The following PRKG1 variants were observed in gnomAD, a reference collection of about 807,000 sequenced individuals.
The protein encoded by PRKG1 is cGMP-dependent protein kinase 1.
In PRKG1, 35 loss-of-function variants were observed where a neutral mutation model predicts 88.1. The ratio of observed to expected loss-of-function variants is 0.40; its 90% CI spans 0.30 to 0.53. The LOEUF (loss-of-function observed/expected upper bound fraction) is 0.53, where lower values mean the gene tolerates loss of function less well. Among genes scored for constraint, PRKG1 ranks in the 20% least tolerant of loss-of-function variants. PRKG1 has a pLI of 0.59. For synonymous variants in PRKG1, 303 were observed against 292.5 expected (o/e 1.04, Z -0.37); for missense variants, 540 against 839.8 (o/e 0.64, Z 4.41).
At chr10:52,054,337 TATTC>T in intron 5 of PRKG1, 143 bp from the exon 6 acceptor site, 1 of 614,616 alleles carries the variant, frequency 1.6e-6, no homozygotes, top group Non-Finnish European at 2.9e-6. Context: ...CATTGACTAA[TATTC>T]ATTATTAAAT....
intron 3 of PRKG1, among the ~76,000 whole-genome samples, chr10:51,623,948 T>C (rs2132266686): frequency 6.6e-6 from 1 of 152,238 alleles, no homozygotes; most frequent in South Asian, 2.1e-4. Flanking sequence ...CTCTAAAAAA[T>C]AGACCCCAGA....
At chr10:51,483,420 C>T (rs1194431762) in intron 3 of PRKG1, among the ~76,000 whole-genome samples, 1 of 152,172 alleles carries the variant, frequency 6.6e-6, no homozygotes, top group Non-Finnish European at 1.5e-5. Flanking sequence ...GACTATTATA[C>T]TCACACCTAC....
intron 5 of PRKG1, among the ~76,000 whole-genome samples, chr10:51,952,238 G>A (rs565066227): frequency 1.3e-5 from 2 of 152,284 alleles, no homozygotes; most frequent in Non-Finnish European, 2.9e-5. Context: ...TTGGATCTTG[G>A]GCTGCTTGCC....
intron 5 of PRKG1, among the ~76,000 whole-genome samples, chr10:51,912,294 T>G (rs1842235640): frequency 6.6e-6 from 1 of 152,196 alleles, no homozygotes; most frequent in East Asian, 1.9e-4. Flanking sequence ...GTTCTGCCAG[T>G]CATGATAAGG....
At chr10:51,097,626 G>A (rs570333050) in intron 1 of PRKG1, among the ~76,000 whole-genome samples, 6 of 152,066 alleles carry the variant, frequency 3.9e-5, no homozygotes, top group South Asian at 4.2e-4. Flanking sequence ...TCTCCTTTCC[G>A]TAGGGTTTTT....
chr10:52,222,545 T>C (rs1840273605), intron 9 of PRKG1, among the ~76,000 whole-genome samples: 3 of 152,128 alleles, frequency 2.0e-5, no homozygotes, highest in Admixed American at 2.0e-4. Flanking sequence ...GATGAATGTA[T>C]AAAGAGATGG....
chr10:52,211,159 T>C (rs1839961488), intron 9 of PRKG1, among the ~76,000 whole-genome samples: 1 of 152,134 alleles, frequency 6.6e-6, no homozygotes, highest in African/African-American at 2.4e-5. Flanking sequence ...CTTTTAAAGT[T>C]TGTAGTTTTT....
chr10:51,260,442 A>T (rs1411860514), intron 2 of PRKG1, among the ~76,000 whole-genome samples: 1 of 152,172 alleles, frequency 6.6e-6, no homozygotes, highest in East Asian at 1.9e-4. Context: ...TTTAAAAAAA[A>T]ATTTTTTATT....
At chr10:51,947,276 G>C (rs1313265944) in intron 5 of PRKG1, among the ~76,000 whole-genome samples, 1 of 152,160 alleles carries the variant, frequency 6.6e-6, no homozygotes, top group Non-Finnish European at 1.5e-5. Flanking sequence ...CCAGGTGTGG[G>C]ATATAATCTC....
intron 9 of PRKG1, among the ~76,000 whole-genome samples, chr10:52,247,771 CTT>C (rs1019006198): frequency 6.6e-6 from 1 of 152,100 alleles, no homozygotes; most frequent in African/African-American, 2.4e-5. Context: ...AAATGTGACT[CTT>C]GTCTCTAAAA....
At chr10:51,417,432 C>A (rs77625011) in intron 2 of PRKG1, among the ~76,000 whole-genome samples, 4,549 of 152,186 alleles carry the variant, frequency 0.03, 88 homozygotes, top group Admixed American at 0.062. Context: ...TAATAATATG[C>A]GCAAGGGACA....
At chr10:51,173,521 A>C (rs1837108437) in intron 2 of PRKG1, among the ~76,000 whole-genome samples, 1 of 151,802 alleles carries the variant, frequency 6.6e-6, no homozygotes, top group Non-Finnish European at 1.5e-5. Flanking sequence ...ATCAATGTGG[A>C]AGTATATGTC....
rs11000738 is a variant in PRKG1, at chr10:52,087,078, A to G, written c.935+24447A>G. Among the ~76,000 whole-genome samples, 6 of 152,264 alleles carry G rather than the reference A, an allele frequency of 3.9e-5. No individual in the cohort carries two copies. The East Asian group carries it at 1.2e-3, about 29-fold the overall frequency. ...GTGGGGATTATAGGAACTACAATTC[A>G]AGATGATATTTGGGTGGGGACACAG... On this transcript the variant is annotated intron_variant, in intron 7 of 17. Coordinates refer to ENST00000373980, the MANE Select transcript of PRKG1 (RefSeq NM_006258.4).
At chr10:51,131,626 TG>T (rs1053118173) in intron 1 of PRKG1, among the ~76,000 whole-genome samples, 1 of 152,116 alleles carries the variant, frequency 6.6e-6, no homozygotes, top group African/African-American at 2.4e-5. Flanking sequence ...ATACATACAG[TG>T]GAAGATGAAT....
intron 5 of PRKG1, chr10:51,911,325 A>C (rs1285456599): frequency 2.7e-5 from 4 of 145,738 alleles, no homozygotes; most frequent in Non-Finnish European, 6.1e-5. Flanking sequence ...CCTCCTAAAA[A>C]AAAAAAAAAA....
intron 2 of PRKG1, among the ~76,000 whole-genome samples, chr10:51,409,377 T>C (rs1349388430): frequency 1.3e-5 from 2 of 152,118 alleles, no homozygotes; most frequent in Non-Finnish European, 2.9e-5. Flanking sequence ...CAGGACCTGC[T>C]CGAGCCTGAT....
At chr10:51,458,736 T>C (rs1839660241) in intron 2 of PRKG1, among the ~76,000 whole-genome samples, 1 of 152,170 alleles carries the variant, frequency 6.6e-6, no homozygotes, top group South Asian at 2.1e-4. Flanking sequence ...AAAGGACATG[T>C]AATCTCTGAT....
intron 2 of PRKG1, among the ~76,000 whole-genome samples, chr10:51,379,237 TAATAAC>T (rs1842873566): frequency 6.6e-6 from 1 of 152,182 alleles, no homozygotes; most frequent in African/African-American, 2.4e-5. Flanking sequence ...CACAAGGTAA[TAATAAC>T]AATAATGAAG....
At chr10:51,415,740 A>G (rs1838217594) in intron 2 of PRKG1, among the ~76,000 whole-genome samples, 1 of 152,174 alleles carries the variant, frequency 6.6e-6, no homozygotes, top group Non-Finnish European at 1.5e-5. Flanking sequence ...CAAGCTACAA[A>G]ACCAAAATTA....
Sources: gnomAD v4.1 joint callset for allele counts (sites outside exome capture counted in the v4.1 genomes callset) on GRCh38, gnomAD v4.1.1 for gene constraint, MANE v1.5 for transcripts, NCBI Gene and HGNC (gene_info 2026-07-23, HGNC 2026-07-21) for gene names.